The following PLGRKT variants were observed in gnomAD, a reference collection of about 807,000 sequenced individuals.
PLGRKT encodes plasminogen receptor with a C-terminal lysine.
Under a neutral mutation model 18.5 loss-of-function variants are expected in PLGRKT, and 22 were observed. The ratio of observed to expected loss-of-function variants is 1.19; its 90% CI spans 0.85 to 1.70. PLGRKT has a LOEUF of 1.70. PLGRKT is among the 40% of genes most tolerant of loss of function. The pLI, the probability that PLGRKT is intolerant of heterozygous loss-of-function variation, is 0.00. For synonymous variants in PLGRKT, 72 were observed against 52.8 expected, an observed-to-expected ratio of 1.36 and a Z score of -1.58; for missense variants, 235 against 174.4, an observed-to-expected ratio of 1.35 and a Z score of -1.96.
intron 3 of PLGRKT, among the ~76,000 whole-genome samples, chr9:5,396,849 A>G (rs187644860): frequency 6.6e-6 from 1 of 152,064 alleles, no homozygotes; most frequent in East Asian, 1.9e-4. Context: ...TACAACTCCA[A>G]CAAAGACTGG....
At chr9:5,397,832 T>A (rs1288307967) in intron 3 of PLGRKT, among the ~76,000 whole-genome samples, 1 of 151,962 alleles carries the variant, frequency 6.6e-6, no homozygotes, top group Non-Finnish European at 1.5e-5. Context: ...CTCAGCACAC[T>A]TTAGTTTGTG....
intron 5 of PLGRKT, among the ~76,000 whole-genome samples, chr9:5,359,968 A>C (rs1232346703): frequency 6.6e-6 from 1 of 152,246 alleles, no homozygotes; most frequent in Non-Finnish European, 1.5e-5. Context: ...ATTGATTCTC[A>C]CAGAATGCTT....
chr9:5,386,637 G>A (rs1364528137), intron 3 of PLGRKT, among the ~76,000 whole-genome samples: 2 of 151,828 alleles, frequency 1.3e-5, no homozygotes, highest in Non-Finnish European at 2.9e-5. Flanking sequence ...TCCTGCCCCA[G>A]GGGAGCTCTC....
chr9:5,426,614 A>C (rs1210794858), intron 3 of PLGRKT, among the ~76,000 whole-genome samples: 1 of 152,228 alleles, frequency 6.6e-6, no homozygotes, highest in Non-Finnish European at 1.5e-5. Flanking sequence ...AGAAAAACCT[A>C]GTCACCTTAA....
chr9:5,424,742 G>A (rs1818663281), intron 3 of PLGRKT, among the ~76,000 whole-genome samples: 1 of 142,658 alleles, frequency 7.0e-6, no homozygotes, highest in Non-Finnish European at 1.5e-5. Context: ...GAGAGAAAGA[G>A]ACAGAGTTTT....
At chr9:5,414,248 C>T (rs556689049) in intron 3 of PLGRKT, among the ~76,000 whole-genome samples, 1 of 152,176 alleles carries the variant, frequency 6.6e-6, no homozygotes, top group Non-Finnish European at 1.5e-5. Flanking sequence ...CTCACTGCAA[C>T]TTCCGCTTCC....
intron 3 of PLGRKT, among the ~76,000 whole-genome samples, chr9:5,413,535 G>A (rs1818403874): frequency 6.6e-6 from 1 of 152,178 alleles, no homozygotes; most frequent in Non-Finnish European, 1.5e-5. Flanking sequence ...GAGAAATGAA[G>A]ATGCCATGCT....
intron 3 of PLGRKT, among the ~76,000 whole-genome samples, chr9:5,380,300 G>A (rs926049750): frequency 3.3e-5 from 5 of 151,150 alleles, no homozygotes; most frequent in African/African-American, 1.2e-4. Flanking sequence ...AGGATGTGGA[G>A]CTTGCACAGT....
chr9:5,431,289 T>C (rs1210382910), intron 3 of PLGRKT, among the ~76,000 whole-genome samples: 3 of 152,036 alleles, frequency 2.0e-5, no homozygotes. Flanking sequence ...ATTCCAGCAA[T>C]TTGGGAGGCT....
At chr9:5,391,433 T>C (rs1817947613) in intron 3 of PLGRKT, among the ~76,000 whole-genome samples, 1 of 151,966 alleles carries the variant, frequency 6.6e-6, no homozygotes, top group African/African-American at 2.4e-5. Context: ...CATACTTTGA[T>C]TTCATATCAG....
chr9:5,424,691 TACAC>T (rs1554634194), intron 3 of PLGRKT, among the ~76,000 whole-genome samples: 3 of 70,500 alleles, frequency 4.3e-5, no homozygotes, highest in African/African-American at 1.8e-4. Flanking sequence ...TATATATATA[TACAC>T]ACAGGGGGGG....
At chr9:5,425,467 T>A (rs1198440466) in intron 3 of PLGRKT, among the ~76,000 whole-genome samples, 1 of 152,218 alleles carries the variant, frequency 6.6e-6, no homozygotes, top group African/African-American at 2.4e-5. Flanking sequence ...CTCCAGTGAT[T>A]GATTTAATTT....
intron 3 of PLGRKT, among the ~76,000 whole-genome samples, chr9:5,395,490 G>C (rs956542516): frequency 2.6e-5 from 4 of 151,880 alleles, no homozygotes; most frequent in Non-Finnish European, 5.9e-5. Context: ...CAGAATTATG[G>C]AGCAGGACTC....
intron 3 of PLGRKT, among the ~76,000 whole-genome samples, chr9:5,403,722 A>G (rs1361518153): frequency 6.6e-6 from 1 of 152,240 alleles, no homozygotes; most frequent in Non-Finnish European, 1.5e-5. Context: ...AGTGATGAGT[A>G]TGAAGGGGAG....
intron 3 of PLGRKT, among the ~76,000 whole-genome samples, chr9:5,404,746 C>T (rs2181144): frequency 0.27 from 40,632 of 152,034 alleles, 6,014 homozygotes; most frequent in African/African-American, 0.39. Context: ...CTCACCACTC[C>T]TATTCAACAT....
At chr9:5,421,628 G>C (rs1438795295) in intron 3 of PLGRKT, among the ~76,000 whole-genome samples, 1 of 152,192 alleles carries the variant, frequency 6.6e-6, no homozygotes, top group Non-Finnish European at 1.5e-5. Flanking sequence ...TTTAATTACT[G>C]ACTTTGCTGA....
intron 3 of PLGRKT, among the ~76,000 whole-genome samples, chr9:5,409,707 C>T (rs191428061): frequency 3.3e-4 from 50 of 152,252 alleles, no homozygotes; most frequent in Non-Finnish European, 6.3e-4. Flanking sequence ...CACCAGTGTG[C>T]GCTGGATGTG....
intron 3 of PLGRKT, among the ~76,000 whole-genome samples, chr9:5,399,562 A>G (rs1252603543): frequency 6.6e-6 from 1 of 151,950 alleles, no homozygotes; most frequent in African/African-American, 2.4e-5. Flanking sequence ...GCACCAAACT[A>G]TTACTTAGAA....
chr9:5,366,064 GT>G (rs1735376006), intron 3 of PLGRKT, among the ~76,000 whole-genome samples: 1 of 152,090 alleles, frequency 6.6e-6, no homozygotes, highest in African/African-American at 2.4e-5. Flanking sequence ...CAATTAAAAT[GT>G]TATTAACTAT....
Sources: allele counts gnomAD v4.1 joint callset (sites outside exome capture counted in the v4.1 genomes callset), GRCh38; gene constraint gnomAD v4.1.1; transcripts MANE v1.5; gene names NCBI Gene and HGNC (gene_info 2026-07-23, HGNC 2026-07-21).